MGAT4C: variants seen among roughly 807,000 people sequenced by gnomAD.
MGAT4C encodes the protein MGAT4 family member C.
MGAT4C carries 19 observed loss-of-function variants against 40.1 expected under a neutral mutation model. That is an observed-to-expected ratio of 0.47 (90% CI 0.33 to 0.70). MGAT4C has a LOEUF of 0.70. Ranked by LOEUF, MGAT4C falls within the 30% of genes least tolerant of loss-of-function variation. The pLI, the probability that MGAT4C is intolerant of heterozygous loss-of-function variation, is 0.02. For synonymous variants in MGAT4C, 181 were observed against 187.1 expected, an observed-to-expected ratio of 0.97 and a Z score of 0.27; for missense variants, 491 against 563.2, an observed-to-expected ratio of 0.87 and a Z score of 1.30.
At chr12:86,688,729 G>C (rs1186852539) in intron 2 of MGAT4C, among the ~76,000 whole-genome samples, 1 of 152,106 alleles carries the variant, frequency 6.6e-6, no homozygotes, top group Non-Finnish European at 1.5e-5. Context: ...TATTCTAATG[G>C]GCTCCCCTTT....
At chr12:86,649,916 T>A (rs527984120) in intron 2 of MGAT4C, among the ~76,000 whole-genome samples, 1 of 151,970 alleles carries the variant, frequency 6.6e-6, no homozygotes, top group East Asian at 1.9e-4. Flanking sequence ...ATATTAAAAA[T>A]GTTAAAAAGA....
chr12:85,982,631 TCTTAG>T (rs1884736875), intron 4 of MGAT4C, among the ~76,000 whole-genome samples: 1 of 152,226 alleles, frequency 6.6e-6, no homozygotes, highest in East Asian at 1.9e-4. Context: ...AGCTATGGTG[TCTTAG>T]AAATATAGTA....
At chr12:86,633,602 T>C (rs535977238) in intron 2 of MGAT4C, among the ~76,000 whole-genome samples, 4 of 152,132 alleles carry the variant, frequency 2.6e-5, no homozygotes, top group Admixed American at 6.6e-5. Context: ...CAATAAATTA[T>C]GGCAAAATCC....
chr12:86,616,609 A>G (rs1962457678), intron 2 of MGAT4C, among the ~76,000 whole-genome samples: 1 of 152,118 alleles, frequency 6.6e-6, no homozygotes, highest in Non-Finnish European at 1.5e-5. Flanking sequence ...TTCTTCAAAA[A>G]TATCAACATT....
chr12:86,029,669 G>A (rs1182103799), intron 2 of MGAT4C, among the ~76,000 whole-genome samples: 1 of 151,862 alleles, frequency 6.6e-6, no homozygotes, highest in Non-Finnish European at 1.5e-5. Context: ...CAAGGAGGGA[G>A]CTACTCTTCT....
chr12:86,492,965 C>A (rs1340650068), intron 2 of MGAT4C, among the ~76,000 whole-genome samples: 2 of 151,828 alleles, frequency 1.3e-5, no homozygotes, highest in Non-Finnish European at 2.9e-5. Context: ...AAACAAACAA[C>A]CCCATCAAAA....
chr12:86,019,576 C>G (rs1453743643), intron 2 of MGAT4C, among the ~76,000 whole-genome samples: 1 of 152,224 alleles, frequency 6.6e-6, no homozygotes, highest in East Asian at 1.9e-4. Flanking sequence ...ATAATACATG[C>G]TGTTTTGGTT....
At chr12:86,000,130 T>C (rs1183692540) in intron 2 of MGAT4C, among the ~76,000 whole-genome samples, 2 of 152,002 alleles carry the variant, frequency 1.3e-5, no homozygotes, top group Non-Finnish European at 2.9e-5. Flanking sequence ...ATATGTAAAA[T>C]TGTGTCAATT....
intron 2 of MGAT4C, among the ~76,000 whole-genome samples, chr12:86,529,321 T>A (rs756163345): frequency 3.3e-5 from 5 of 152,096 alleles, no homozygotes; most frequent in Admixed American, 2.6e-4. Context: ...TCACTGCACC[T>A]GAAGACCATA....
chr12:86,809,857 A>G (rs1191597161), intron 1 of MGAT4C, among the ~76,000 whole-genome samples: 3 of 151,970 alleles, frequency 2.0e-5, no homozygotes, highest in Non-Finnish European at 2.9e-5. Context: ...GAGCCCATAT[A>G]TTTCTATTTA....
At chr12:86,221,984 G>T (rs907365144) in intron 1 of MGAT4C, among the ~76,000 whole-genome samples, 3 of 152,168 alleles carry the variant, frequency 2.0e-5, no homozygotes, top group African/African-American at 7.2e-5. Flanking sequence ...GTTCATTAGA[G>T]AATTATTCAG....
intron 4 of MGAT4C, among the ~76,000 whole-genome samples, chr12:86,315,061 A>C (rs1210856571): frequency 1.3e-5 from 2 of 152,068 alleles, no homozygotes; most frequent in African/African-American, 4.8e-5. Context: ...TAAAAAAAAC[A>C]AATAAAAAAC....
At chr12:86,481,950 T>A (rs1957944560) in intron 2 of MGAT4C, among the ~76,000 whole-genome samples, 1 of 151,800 alleles carries the variant, frequency 6.6e-6, no homozygotes. Context: ...AATGTATTTT[T>A]AAAAACATAT....
At chr12:86,438,346 G>A (rs1957171863) in intron 2 of MGAT4C, among the ~76,000 whole-genome samples, 1 of 151,898 alleles carries the variant, frequency 6.6e-6, no homozygotes. Flanking sequence ...AAAGTTTGAA[G>A]CCAGCAGAGG....
chr12:86,597,199 A>G (rs968377983), intron 2 of MGAT4C, among the ~76,000 whole-genome samples: 1 of 152,198 alleles, frequency 6.6e-6, no homozygotes, highest in East Asian at 1.9e-4. Flanking sequence ...AAATACTTGT[A>G]GGTTACTGCC....
At position 85,977,562 on chromosome 12, in the gene MGAT4C, A is replaced by C. The variant is rs1251521374; in HGVS notation, c.*1727T>G. 1 of 151,412 alleles carries C rather than the reference A, an allele frequency of 6.6e-6. No individual in the cohort carries two copies. The highest frequency in any genetic ancestry group is 1.5e-5 in the Non-Finnish European group (1 of 67,516). The allele number at this position is 151,412 out of a possible 1,614,324, so 9.4% of individuals were successfully genotyped here. A position where few individuals can be genotyped will look rare whatever the true frequency, so the allele number is the denominator to read the frequency against. ...TTTTCTTCTAACACTTTAGTAGCTG[A>C]ATACAAAGAAAATACACAACAGCTG... On this transcript the variant is annotated 3_prime_UTR_variant, in exon 5 of 5. Transcript: ENST00000611864.
chr12:86,214,051 A>G (rs1950580126), intron 1 of MGAT4C, among the ~76,000 whole-genome samples: 2 of 152,178 alleles, frequency 1.3e-5, no homozygotes, highest in East Asian at 1.9e-4. Flanking sequence ...CCACTCTTCT[A>G]TGGACTCCCA....
chr12:86,664,392 A>G (rs1964050720), intron 2 of MGAT4C, among the ~76,000 whole-genome samples: 1 of 152,110 alleles, frequency 6.6e-6, no homozygotes, highest in South Asian at 2.1e-4. Context: ...TGAAATTTCA[A>G]TATTTGTGCA....
intron 3 of MGAT4C, among the ~76,000 whole-genome samples, chr12:86,417,546 A>T (rs1956742370): frequency 6.6e-6 from 1 of 152,086 alleles, no homozygotes; most frequent in South Asian, 2.1e-4. Flanking sequence ...AATTGAACAA[A>T]ATATATTAGA....
Sources: allele counts gnomAD v4.1 joint callset (sites outside exome capture counted in the v4.1 genomes callset), GRCh38; gene constraint gnomAD v4.1.1; transcripts MANE v1.5; gene names NCBI Gene and HGNC (gene_info 2026-07-23, HGNC 2026-07-21).